BBS4: variants seen among roughly 807,000 people sequenced by gnomAD.
The protein encoded by BBS4 is BBSome complex member BBS4.
A neutral mutation model predicts 71.4 loss-of-function variants in BBS4; 58 were observed. That is an observed-to-expected ratio of 0.81 (90% CI 0.66 to 1.01). The LOEUF (loss-of-function observed/expected upper bound fraction) is 1.01. Among genes scored for constraint, BBS4 ranks in the 50% least tolerant of loss-of-function variants. The pLI, the probability that BBS4 is intolerant of heterozygous loss-of-function variation, is 0.00. For missense variants in BBS4, 660 were observed against 607.9 expected (o/e 1.09, Z -0.90); for synonymous variants, 228 against 216.8 (o/e 1.05, Z -0.46).
chr15:72,731,608 T>C lies in BBS4; in HGVS notation c.918T>C (p.Ile306=), dbSNP rs200300455. The change falls in exon 12 of 16, where the codon ATT becomes ATC. Residue 306 remains isoleucine (I), a synonymous_variant. Transcript: ENST00000268057. Reference sequence around the variant, plus strand: ...ACTTGGCACCCTTTGATTGGAAGATTCTGTATAATTTGGGCCTTGTCCATT... The same window carrying C: ...ACTTGGCACCCTTTGATTGGAAGATCCTGTATAATTTGGGCCTTGTCCATT... ...ANYLAPFDWK[I]LYNLGLVHLT... 1.2e-6 allele frequency: 2 copies of C among 1,614,202 alleles called. No homozygotes were observed. The highest frequency in any genetic ancestry group is 2.7e-5 in the African/African-American group (2 of 75,052).
At chr15:72,727,129 A>T (rs532237600) in intron 8 of BBS4, among the ~76,000 whole-genome samples, 2 of 152,328 alleles carry the variant, frequency 1.3e-5, no homozygotes, top group Admixed American at 1.3e-4. Context: ...TGGTCAGCTC[A>T]GGCCTCCCCT....
In BBS4 at chr15:72,736,751, G is replaced by T. The variant is rs1236731576; in HGVS notation, c.1249-11G>T. 6.2e-6 allele frequency: 10 copies of T among 1,614,024 alleles called. No homozygotes were observed. The highest frequency in any genetic ancestry group is 1.1e-5 in the South Asian group (1 of 91,070). ...CGCTTTTGATTCTTTTACTTCCTTTGTGGACACAAGATGGTGGAGATGGCT... is the reference window on the plus strand; with the variant it reads ...CGCTTTTGATTCTTTTACTTCCTTTTTGGACACAAGATGGTGGAGATGGCT... On this transcript the variant is annotated splice_polypyrimidine_tract_variant and intron_variant, in intron 14 of 15. Transcript: ENST00000268057.
intron 15 of BBS4, among the ~76,000 whole-genome samples, chr15:72,737,248 AAT>A (rs1157665848): frequency 1.3e-5 from 2 of 152,212 alleles, no homozygotes; most frequent in Non-Finnish European, 1.5e-5. Flanking sequence ...TGCAATGTTT[AAT>A]TTTTACTGCT....
intron 1 of BBS4, chr15:72,686,678 T>G: frequency 1.2e-6 from 1 of 828,590 alleles, no homozygotes; most frequent in South Asian, 1.4e-5. Flanking sequence ...GACTGTGTTT[T>G]TTCTGTGGTG....
In BBS4 at chr15:72,724,575, G is replaced by A; in HGVS notation, c.507G>A (p.Leu169=). Reference sequence around the variant, plus strand: ...CCCTGAATCTTAATAGGCACGATCTGACTTATATAATGCTGGGGAAGATCC... The same window carrying A: ...CCCTGAATCTTAATAGGCACGATCTAACTTATATAATGCTGGGGAAGATCC... The part of the protein sequence containing the change: ...HNALNLNRHD[L]TYIMLGKIHL... Residue 169 remains leucine, a synonymous_variant, in exon 8 of 16, where the codon CTG becomes CTA. Transcript: ENST00000268057. The A allele has an allele frequency of 6.2e-7, 1 of 1,614,078 alleles. No homozygotes were observed. Among genetic ancestry groups the A allele is most frequent in the Non-Finnish European group, 8.5e-7 (1 of 1,179,980 alleles).
chr15:72,708,888 A>G (rs915386709), intron 2 of BBS4, among the ~76,000 whole-genome samples: 2 of 152,244 alleles, frequency 1.3e-5, no homozygotes, highest in Non-Finnish European at 2.9e-5. Context: ...TTGAGGTCAG[A>G]TCAGTTTTCT....
chr15:72,717,509 G>A (rs2065488601), intron 6 of BBS4, among the ~76,000 whole-genome samples: 1 of 152,052 alleles, frequency 6.6e-6, no homozygotes, highest in African/African-American at 2.4e-5. Context: ...CTGCATTCTA[G>A]GGAGGCAGAA....
intron 10 of BBS4, among the ~76,000 whole-genome samples, chr15:72,730,278 C>A (rs1444913148): frequency 1.5e-5 from 2 of 133,532 alleles, no homozygotes; most frequent in African/African-American, 2.8e-5. Context: ...GACTCTGTCT[C>A]AAAAAAAAAA....
At chr15:72,709,211 T>C (rs939586908) in intron 2 of BBS4, among the ~76,000 whole-genome samples, 2 of 152,210 alleles carry the variant, frequency 1.3e-5, no homozygotes, top group Non-Finnish European at 2.9e-5. Context: ...CCTACCGATA[T>C]ATGTGAGGCC....
At chr15:72,713,843 C>T (rs910699487) in intron 4 of BBS4, among the ~76,000 whole-genome samples, 5 of 152,160 alleles carry the variant, frequency 3.3e-5, no homozygotes, top group African/African-American at 9.7e-5. Flanking sequence ...AATGTCATTA[C>T]AGGTGCATGA....
chr15:72,695,031 A>G, intron 1 of BBS4, 146 bp from the exon 2 acceptor site: 1 of 605,270 alleles, frequency 1.7e-6, no homozygotes, highest in Non-Finnish European at 2.9e-6. Context: ...TTTAAACCAT[A>G]TTTAAAGTAA....
intron 6 of BBS4, 159 bp downstream of exon 6, chr15:72,717,009 T>C: frequency 1.5e-6 from 1 of 655,114 alleles, no homozygotes. Context: ...TCAAAAACCA[T>C]GTTTCCTCAT....
chr15:72,731,218 C>T, intron 10 of BBS4, 87 bp from the exon 11 acceptor site: 1 of 1,543,282 alleles, frequency 6.5e-7, no homozygotes, highest in Non-Finnish European at 8.9e-7. Flanking sequence ...TGCTGATGGG[C>T]CTGCTGAGTA....
intron 9 of BBS4, among the ~76,000 whole-genome samples, chr15:72,728,779 G>T (rs2065750698): frequency 6.6e-6 from 1 of 152,198 alleles, no homozygotes; most frequent in African/African-American, 2.4e-5. Context: ...TCTGGCTGAG[G>T]ACCCAGGGCC....
chr15:72,686,544 T>TC, intron 1 of BBS4: 1 of 1,481,032 alleles, frequency 6.8e-7, no homozygotes, highest in Non-Finnish European at 9.0e-7. Flanking sequence ...GCCATCTTTT[T>TC]CTGTCTCGGG....
chr15:72,704,988 C>G (rs2065238173), intron 2 of BBS4, among the ~76,000 whole-genome samples: 1 of 152,092 alleles, frequency 6.6e-6, no homozygotes, highest in Non-Finnish European at 1.5e-5. Context: ...CTATTTGAAC[C>G]TCTTTATATA....
chr15:72,706,319 G>T (rs1567407856), intron 2 of BBS4, among the ~76,000 whole-genome samples: 2 of 151,990 alleles, frequency 1.3e-5, no homozygotes, highest in African/African-American at 2.4e-5. Context: ...TGTATTTTTA[G>T]TAGAGACTTG....
rs1360298049 is a variant in BBS4 at position 72,709,754 on chromosome 15, T to C, written c.131T>C (p.Ile44Thr). 1 of 1,613,772 alleles carries C rather than the reference T, an allele frequency of 6.2e-7. No homozygotes were observed. Among genetic ancestry groups the C allele is most frequent in the Non-Finnish European group, 8.5e-7 (1 of 1,179,852 alleles). Residue 44 changes from isoleucine to threonine, a missense_variant, in exon 3 of 16, where the codon ATC (isoleucine) becomes ACC (threonine). Transcript: ENST00000268057. ...AACTGGTTGATTCATCTTCATTATATCCGGAAAGATTATGAAGCCTGCAAG... is the reference window on the plus strand; with the variant it reads ...AACTGGTTGATTCATCTTCATTATACCCGGAAAGATTATGAAGCCTGCAAG... ...KQNWLIHLHY[I>T]RKDYEACKAV...
At chr15:72,720,970 ATTTAC>A (rs1038508272) in intron 6 of BBS4, among the ~76,000 whole-genome samples, 1 of 152,182 alleles carries the variant, frequency 6.6e-6, no homozygotes, top group African/African-American at 2.4e-5. Context: ...CAGGACATCT[ATTTAC>A]TTACCTACCT....
Sources: gnomAD v4.1 joint callset for allele counts (sites outside exome capture counted in the v4.1 genomes callset) on GRCh38, gnomAD v4.1.1 for gene constraint, MANE v1.5 for transcripts, NCBI Gene and HGNC (gene_info 2026-07-23, HGNC 2026-07-21) for gene names.